Variants in BTBD8 observed in about 807,000 individuals in gnomAD.
The protein encoded by BTBD8 is BTB/POZ domain-containing protein 8.
In BTBD8, 110 loss-of-function variants were observed where a neutral mutation model predicts 162.9. The observed-to-expected ratio is 0.68, with a 90% CI of 0.58 to 0.79. The LOEUF is 0.79. BTBD8 is among the 30% of genes least tolerant of loss of function. BTBD8 has a pLI of 0.00. For missense variants in BTBD8, 1,905 were observed against 2,085.4 expected (o/e 0.91, Z 1.68); for synonymous variants, 667 against 716.1 (o/e 0.93, Z 1.10).
chr1:92,089,208 A>G (rs753098174), intron 2 of BTBD8, among the ~76,000 whole-genome samples: 2 of 152,098 alleles, frequency 1.3e-5, no homozygotes, highest in Non-Finnish European at 2.9e-5. Flanking sequence ...GAATTATTCT[A>G]TTCCAGGGTT....
chr1:92,105,212 G>A (rs1401251418), intron 3 of BTBD8, among the ~76,000 whole-genome samples: 1 of 151,854 alleles, frequency 6.6e-6, no homozygotes, highest in African/African-American at 2.4e-5. Flanking sequence ...GATTACAGGC[G>A]TGAGCCACTG....
chr1:92,141,091 A>G (rs1171677470), intron 6 of BTBD8, 24 bp from the exon 7 acceptor site: 2 of 1,519,112 alleles, frequency 1.3e-6, no homozygotes, highest in Admixed American at 2.3e-5. Context: ...TGGAGAATTA[A>G]CAGTGCATCT....
At chr1:92,107,739 C>T (rs1648771123) in intron 3 of BTBD8, 145 bp from the exon 4 acceptor site, 1 of 644,540 alleles carries the variant, frequency 1.6e-6, no homozygotes, top group Admixed American at 3.1e-5. Flanking sequence ...ATGATTTAAA[C>T]TTTTTGTTTT....
rs200439049 is a variant in BTBD8 at position 92,180,519 on chromosome 1, G to A, written c.2836G>A (p.Val946Ile). Residue 946 changes from valine to isoleucine, a missense_variant, in exon 17 of 18, where the codon GTT (valine) becomes ATT (isoleucine). By Grantham distance (29) the Val-to-Ile change is conservative. Transcript: ENST00000636805. ...AAAACAGAAAATGCCTCCTGGACAGGTTATATCAAAAACTCAGCCTTCCTC... is the reference window on the plus strand; with the variant it reads ...AAAACAGAAAATGCCTCCTGGACAGATTATATCAAAAACTCAGCCTTCCTC... ...DSKQKMPPGQ[V>I]ISKTQPSSQR... 1.3e-6 allele frequency: 2 copies of A among 1,551,540 alleles called. No individual in the cohort carries two copies. Among genetic ancestry groups the A allele is most frequent in the South Asian group, 2.4e-5 (2 of 84,024 alleles).
At position 92,144,043 on chromosome 1, in the gene BTBD8, A is replaced by G. The variant is rs547608485; in HGVS notation, c.930+2832A>G. On this transcript the variant is annotated intron_variant, in intron 7 of 17. Transcript: ENST00000636805. Reference sequence around the variant, plus strand: ...GCTAGAGTGCAAGTGGTGCGATCTCAGCTCACTGTAACCTCTGCCTCCCAG... The same window carrying G: ...GCTAGAGTGCAAGTGGTGCGATCTCGGCTCACTGTAACCTCTGCCTCCCAG... 2.7e-4 allele frequency among the ~76,000 whole-genome samples: 33 copies of G among 123,486 alleles called. No homozygotes were observed. In the Middle Eastern group the frequency reaches 0.034, roughly 128 times the overall value. 81.0% of individuals were successfully genotyped at this position (123,486 alleles called of 152,430 possible).
chr1:92,160,384 T>C (rs1650251014), intron 9 of BTBD8, among the ~76,000 whole-genome samples: 2 of 152,164 alleles, frequency 1.3e-5, no homozygotes. Flanking sequence ...ATTTTGTTCT[T>C]TGGAACATAT....
chr1:92,110,785 C>T (rs112400306), intron 4 of BTBD8, among the ~76,000 whole-genome samples: 2,096 of 152,002 alleles, frequency 0.014, 57 homozygotes, highest in African/African-American at 0.049. Context: ...CCTTGTGATC[C>T]GCCCACCTCG....
At chr1:92,159,158 TTTTCTTTC>T (rs375670159) in intron 9 of BTBD8, among the ~76,000 whole-genome samples, 9 of 151,400 alleles carry the variant, frequency 5.9e-5, no homozygotes, top group African/African-American at 2.0e-4. Context: ...TATATTTTTC[TTTTCTTTC>T]TTTCTTTCTT....
chr1:92,119,775 C>T (rs1033102573), intron 4 of BTBD8, among the ~76,000 whole-genome samples: 1 of 151,452 alleles, frequency 6.6e-6, no homozygotes, highest in Non-Finnish European at 1.5e-5. Context: ...TACAGGTGCC[C>T]GTCACCGAAT....
chr1:92,088,681 C>G lies in BTBD8; in HGVS notation c.150-17C>G. On this transcript the variant is annotated splice_polypyrimidine_tract_variant and intron_variant, in intron 1 of 17. Coordinates refer to ENST00000636805, the MANE Select transcript of BTBD8 (RefSeq NM_001376131.1). ...AGTATCACTAATTAAACTATGATTC[C>G]TTTTTATTCCTTATAGGCTTCTAAG... 1 of 1,511,790 alleles carries G rather than the reference C, an allele frequency of 6.6e-7. No homozygotes were observed. Among genetic ancestry groups the G allele is most frequent in the South Asian group, 1.4e-5 (1 of 72,506 alleles). 93.6% of individuals were successfully genotyped at this position (1,511,790 alleles called of 1,614,324 possible).
chr1:92,125,777 C>A (rs2101925007), intron 4 of BTBD8: 3 of 418,276 alleles, frequency 7.2e-6, no homozygotes, highest in South Asian at 4.2e-5. Context: ...TATTTGATGC[C>A]ATATTTCCAT....
rs1185037769 is a variant in BTBD8 at position 92,181,516 on chromosome 1, A to T, written c.3833A>T (p.Asp1278Val). 1 of 1,551,746 alleles carries T rather than the reference A, an allele frequency of 6.4e-7. No individual in the cohort carries two copies. Among genetic ancestry groups the T allele is most frequent in the South Asian group, 1.2e-5 (1 of 84,056 alleles). ...DYDAGGSQDDDGSNDRGISKC... is the reference protein window; with the variant it reads ...DYDAGGSQDDVGSNDRGISKC... ...GATGCTGGAGGGTCTCAGGATGATG[A>T]TGGGTCAAATGACAGAGGTATCTCT... Residue 1278 changes from aspartate (D) to valine (V), a missense_variant, in exon 17 of 18, where the codon GAT (aspartate) becomes GTT (valine). This residue lies in a region of BTBD8 where 517 missense variants were observed against 606.6 expected (regional missense o/e 0.85). Coordinates refer to ENST00000636805, the MANE Select transcript of BTBD8 (RefSeq NM_001376131.1).
chr1:92,124,554 C>T (rs1325664020), intron 4 of BTBD8, among the ~76,000 whole-genome samples: 1 of 152,174 alleles, frequency 6.6e-6, no homozygotes, highest in Non-Finnish European at 1.5e-5. Context: ...GCACTCCAGG[C>T]TGGGTGAAAG....
intron 9 of BTBD8, among the ~76,000 whole-genome samples, chr1:92,149,679 A>G (rs1311077045): frequency 6.6e-6 from 1 of 152,220 alleles, no homozygotes; most frequent in Non-Finnish European, 1.5e-5. Flanking sequence ...AGGCTGGAAC[A>G]CTACTGCAAT....
At chr1:92,141,079 A>C in intron 6 of BTBD8, 36 bp from the exon 7 acceptor site, 1 of 1,497,530 alleles carries the variant, frequency 6.7e-7, no homozygotes. Context: ...TGATTTTTAA[A>C]TTGGAGAATT....
rs2100698768 is a variant in BTBD8 at position 92,184,489 on chromosome 1, T to C, written c.*159T>C. The C allele has an allele frequency of 4.4e-6, 2 of 455,930 alleles. No individual in the cohort carries two copies. Among genetic ancestry groups the C allele is most frequent in the East Asian group, 3.3e-5 (1 of 30,560 alleles). 28.2% of individuals were successfully genotyped at this position (455,930 alleles called of 1,614,324 possible). On this transcript the variant is annotated 3_prime_UTR_variant, in exon 18 of 18. Coordinates refer to ENST00000636805, the MANE Select transcript of BTBD8 (RefSeq NM_001376131.1). ...AGTTTATTTATTAATATATCACATATAGAAAAATGTTTTTCTAAAGTTTTT... is the reference window on the plus strand; with the variant it reads ...AGTTTATTTATTAATATATCACATACAGAAAAATGTTTTTCTAAAGTTTTT...
At chr1:92,131,006 C>G (rs968905694) in intron 5 of BTBD8, among the ~76,000 whole-genome samples, 1 of 152,108 alleles carries the variant, frequency 6.6e-6, no homozygotes, top group Non-Finnish European at 1.5e-5. Flanking sequence ...GCTTGGCCTA[C>G]GTTCAAGTTT....
intron 4 of BTBD8, among the ~76,000 whole-genome samples, chr1:92,127,346 A>T (rs945730231): frequency 1.3e-5 from 2 of 152,192 alleles, no homozygotes; most frequent in African/African-American, 2.4e-5. Flanking sequence ...TGGTTAATGT[A>T]CCTCCTTCAG....
chr1:92,162,108 C>T (rs1051464196), intron 9 of BTBD8, among the ~76,000 whole-genome samples: 6 of 152,166 alleles, frequency 3.9e-5, no homozygotes, highest in African/African-American at 7.2e-5. Context: ...ATATTGGCAG[C>T]GTTTTGGATA....
Sources: allele counts gnomAD v4.1 joint callset (sites outside exome capture counted in the v4.1 genomes callset), GRCh38; gene constraint gnomAD v4.1.1; regional missense constraint gnomAD v4.1.1; transcripts MANE v1.5; gene names NCBI Gene and HGNC (gene_info 2026-07-23, HGNC 2026-07-21).